The following MB21D2 variants were observed in gnomAD, a reference collection of about 807,000 sequenced individuals.
The protein encoded by MB21D2 is nucleotidyltransferase MB21D2.
A neutral mutation model predicts 33.3 loss-of-function variants in MB21D2; 9 were observed. The observed-to-expected ratio is 0.27, with a 90% CI of 0.16 to 0.47. The LOEUF (loss-of-function observed/expected upper bound fraction) is 0.47, where lower values mean the gene tolerates loss of function less well. Among genes scored for constraint, MB21D2 ranks in the 20% least tolerant of loss-of-function variants. MB21D2 has a pLI of 0.99. For synonymous variants in MB21D2, 241 were observed against 236.3 expected (o/e 1.02, Z -0.18); for missense variants, 540 against 624.6 (o/e 0.86, Z 1.44).
At chr3:192,826,895 CTTT>C (rs928013428) in intron 1 of MB21D2, among the ~76,000 whole-genome samples, 2 of 144,056 alleles carry the variant, frequency 1.4e-5, no homozygotes, top group Admixed American at 7.0e-5. Context: ...CCCTTTCCTT[CTTT>C]TTTTTTTTTT....
intron 1 of MB21D2, among the ~76,000 whole-genome samples, chr3:192,914,166 T>A (rs1352388727): frequency 6.6e-6 from 1 of 152,136 alleles, no homozygotes; most frequent in Non-Finnish European, 1.5e-5. Flanking sequence ...TTCAGTAGCA[T>A]CTCTACCATC....
At chr3:192,804,363 G>T (rs369469721) in intron 1 of MB21D2, among the ~76,000 whole-genome samples, 2 of 104,324 alleles carry the variant, frequency 1.9e-5, no homozygotes, top group Non-Finnish European at 4.1e-5. Flanking sequence ...AAAACTCAGA[G>T]AGTTCAAGAA....
intron 1 of MB21D2, among the ~76,000 whole-genome samples, chr3:192,880,622 G>A (rs1057017747): frequency 4.6e-5 from 7 of 152,072 alleles, no homozygotes; most frequent in African/African-American, 1.7e-4. Context: ...GCAGCTGTCG[G>A]AGGGGACGGA....
intron 1 of MB21D2, among the ~76,000 whole-genome samples, chr3:192,826,860 T>A (rs942357728): frequency 6.6e-6 from 1 of 151,888 alleles, no homozygotes; most frequent in African/African-American, 2.4e-5. Context: ...TCACTCAGCA[T>A]CCCAATTTTG....
intron 1 of MB21D2, among the ~76,000 whole-genome samples, chr3:192,808,516 ATGT>A (rs1711714163): frequency 6.6e-6 from 1 of 152,194 alleles, no homozygotes. Flanking sequence ...TTTCAGTGTA[ATGT>A]TGTAAAGTCA....
intron 1 of MB21D2, among the ~76,000 whole-genome samples, chr3:192,861,813 A>C (rs1169581803): frequency 6.6e-6 from 1 of 152,142 alleles, no homozygotes; most frequent in African/African-American, 2.4e-5. Flanking sequence ...CCCAAAAAAC[A>C]ACAAAAAAAC....
At chr3:192,822,656 C>T (rs1467416065) in intron 1 of MB21D2, among the ~76,000 whole-genome samples, 3 of 152,188 alleles carry the variant, frequency 2.0e-5, no homozygotes, top group South Asian at 2.1e-4. Flanking sequence ...GTATCCTTTA[C>T]GGCTTTTGCT....
intron 1 of MB21D2, among the ~76,000 whole-genome samples, chr3:192,911,932 A>G (rs148516343): frequency 2.6e-5 from 4 of 152,344 alleles, no homozygotes; most frequent in Non-Finnish European, 5.9e-5. Context: ...CTTTCCAAGC[A>G]CATGGAGGCC....
At chr3:192,869,299 GAGGAGGGA>G (rs796985331) in intron 1 of MB21D2, among the ~76,000 whole-genome samples, 2 of 116,564 alleles carry the variant, frequency 1.7e-5, no homozygotes, top group South Asian at 7.2e-4. Context: ...GGGAGGAGGG[GAGGAGGGA>G]AGGAGGGAAG....
At chr3:192,849,248 T>C (rs1712735404) in intron 1 of MB21D2, among the ~76,000 whole-genome samples, 1 of 146,370 alleles carries the variant, frequency 6.8e-6, no homozygotes, top group African/African-American at 2.5e-5. Context: ...TGTGAGACTC[T>C]TCCTCCAAAG....
chr3:192,896,251 G>A (rs912231894), intron 1 of MB21D2, among the ~76,000 whole-genome samples: 1 of 152,168 alleles, frequency 6.6e-6, no homozygotes, highest in Non-Finnish European at 1.5e-5. Flanking sequence ...GTTTGCCCAA[G>A]GTCACACAAG....
chr3:192,874,130 A>G (rs1237729384), intron 1 of MB21D2, among the ~76,000 whole-genome samples: 2 of 152,202 alleles, frequency 1.3e-5, no homozygotes, highest in Non-Finnish European at 2.9e-5. Flanking sequence ...TGGGAAAGGC[A>G]TAAAGAAGCA....
At position 192,806,445 on chromosome 3, in the gene MB21D2, C is replaced by T. The variant is rs1026534638; in HGVS notation, c.212-6795G>A. Among the ~76,000 whole-genome samples the T allele has an allele frequency of 4.6e-5, 7 of 152,094 alleles. No individual in the cohort carries two copies. In the South Asian group the frequency reaches 1.0e-3, roughly 23 times the overall value. ...TCTGTATTTGATTGAAAAATAGCCA[C>T]CTATAAGTGGACCTGTGCAGCTCAA... On this transcript the variant is annotated intron_variant, in intron 1 of 1. Transcript: ENST00000392452.
intron 1 of MB21D2, among the ~76,000 whole-genome samples, chr3:192,854,523 G>A (rs1230048004): frequency 6.6e-6 from 1 of 152,230 alleles, no homozygotes; most frequent in Non-Finnish European, 1.5e-5. Flanking sequence ...CGTGGAAGCT[G>A]CAGCAAGTTA....
At chr3:192,819,201 G>C (rs1711992003) in intron 1 of MB21D2, among the ~76,000 whole-genome samples, 1 of 150,450 alleles carries the variant, frequency 6.6e-6, no homozygotes, top group African/African-American at 2.5e-5. Context: ...AATGTTTACA[G>C]AGTATCTGCT....
At chr3:192,893,985 T>C (rs1713911563) in intron 1 of MB21D2, among the ~76,000 whole-genome samples, 1 of 152,110 alleles carries the variant, frequency 6.6e-6, no homozygotes. Context: ...GCCTGAGCTA[T>C]GATTGTGCCA....
At chr3:192,884,575 G>A (rs535448698) in intron 1 of MB21D2, among the ~76,000 whole-genome samples, 47 of 152,112 alleles carry the variant, frequency 3.1e-4, no homozygotes, top group Admixed American at 7.2e-4. Context: ...CACCGTGTTA[G>A]CCAGGATGGT....
At chr3:192,898,855 A>C (rs145876034) in intron 1 of MB21D2, among the ~76,000 whole-genome samples, 21 of 152,336 alleles carry the variant, frequency 1.4e-4, no homozygotes, top group Non-Finnish European at 2.6e-4. Flanking sequence ...TGGAGATTTG[A>C]CAGAGCTGAG....
At chr3:192,851,511 T>TTTTTTTTG (rs368434734) in intron 1 of MB21D2, among the ~76,000 whole-genome samples, 1 of 143,844 alleles carries the variant, frequency 7.0e-6, no homozygotes, top group African/African-American at 2.8e-5. Flanking sequence ...TTTTTTTTTT[T>TTTTTTTTG]GGAGATGGAG....
Sources: gnomAD v4.1 joint callset for allele counts (sites outside exome capture counted in the v4.1 genomes callset) on GRCh38, gnomAD v4.1.1 for gene constraint, MANE v1.5 for transcripts, NCBI Gene and HGNC (gene_info 2026-07-23, HGNC 2026-07-21) for gene names.